ZNF273: variants seen among roughly 807,000 people sequenced by gnomAD.
ZNF273 encodes the protein zinc finger protein 273.
In ZNF273, 11 loss-of-function variants were observed where a neutral mutation model predicts 14.9. That is an observed-to-expected ratio of 0.74 (90% confidence interval 0.46 to 1.22). ZNF273 has a LOEUF of 1.22. Among genes scored for constraint, ZNF273 ranks in the 50% most tolerant of loss-of-function variants. The pLI, the probability that ZNF273 is intolerant of heterozygous loss-of-function variation, is 0.00. For synonymous variants in ZNF273, 199 were observed against 223.9 expected (o/e 0.89, Z 0.99); for missense variants, 577 against 660.6 (o/e 0.87, Z 1.39).
chr7:64,880,933 G>A (rs1316886929), downstream of ZNF273, among the ~76,000 whole-genome samples: 1 of 152,212 alleles, frequency 6.6e-6, no homozygotes, highest in Non-Finnish European at 1.5e-5. Context: ...ATCGTCTCGG[G>A]ATTTCATTCC....
At chr7:64,923,694 T>G (rs1301118593) in intron 3 of ZNF273, 1 of 209,980 alleles carries the variant, frequency 4.8e-6, no homozygotes, top group Non-Finnish European at 9.7e-6. Flanking sequence ...TGACAGAAAT[T>G]TGCATTGCTT....
chr7:64,912,826 GTTT>G lies in ZNF273; in HGVS notation c.103-4737_103-4735del, dbSNP rs71061324. ...TCTTTTTGACTCAGGATTCATTTTA[GTTT>G]TTTTTTTTTTTTTTTTTGAGATTGA... On this transcript the variant is annotated intron_variant, in intron 1 of 3. Transcript: ENST00000476120. 8.2e-5 allele frequency among the ~76,000 whole-genome samples: 3 copies of G among 36,568 alleles called. 1 individual carries two copies. The highest frequency in any genetic ancestry group is 1.1e-4 in the Non-Finnish European group (2 of 17,638). The allele number at this position is 36,568 out of a possible 152,430, so 24.0% of individuals were successfully genotyped here.
intron 1 of ZNF273, among the ~76,000 whole-genome samples, chr7:64,908,728 G>A (rs746406916): frequency 2.6e-5 from 4 of 152,124 alleles, no homozygotes; most frequent in Non-Finnish European, 5.9e-5. Flanking sequence ...GGTGCCATGT[G>A]TTATTATTTA....
downstream of ZNF273, among the ~76,000 whole-genome samples, chr7:64,894,077 T>C (rs1053232241): frequency 5.9e-5 from 9 of 152,188 alleles, no homozygotes; most frequent in Non-Finnish European, 1.3e-4. Context: ...CAATCTGGGC[T>C]CACTGCAACC....
intron 1 of ZNF273, among the ~76,000 whole-genome samples, chr7:64,906,569 G>T (rs973850593): frequency 2.0e-5 from 3 of 152,154 alleles, no homozygotes; most frequent in Admixed American, 6.5e-5. Context: ...TCTAAGCTAA[G>T]GCTAATATGG....
chr7:64,892,430 A>G (rs1792093534), downstream of ZNF273, among the ~76,000 whole-genome samples: 1 of 152,184 alleles, frequency 6.6e-6, no homozygotes, highest in Non-Finnish European at 1.5e-5. Flanking sequence ...GAAGCTAGGA[A>G]TGAATCCATG....
At chr7:64,923,612 G>C in intron 3 of ZNF273, 1 of 275,570 alleles carries the variant, frequency 3.6e-6, no homozygotes, top group South Asian at 3.2e-5. Flanking sequence ...AAAGTGCTGG[G>C]ATTACAGGCA....
At chr7:64,935,729 C>T (rs1033546893), downstream of ZNF273, among the ~76,000 whole-genome samples, 15 of 152,016 alleles carry the variant, frequency 9.9e-5, no homozygotes, top group Admixed American at 6.6e-5. Flanking sequence ...GCCATATTGA[C>T]GAGGCTGGTC....
chr7:64,921,769 G>A (rs1408399145), intron 3 of ZNF273, among the ~76,000 whole-genome samples: 5 of 151,228 alleles, frequency 3.3e-5, no homozygotes, highest in Non-Finnish European at 7.4e-5. Context: ...GGGATTACAG[G>A]CACTCCCCCA....
At chr7:64,883,046 C>T (rs1025417878), downstream of ZNF273, among the ~76,000 whole-genome samples, 3 of 152,190 alleles carry the variant, frequency 2.0e-5, no homozygotes, top group Non-Finnish European at 2.9e-5. Flanking sequence ...GAATATGGCT[C>T]AAGCACTGCA....
downstream of ZNF273, among the ~76,000 whole-genome samples, chr7:64,892,478 G>A (rs866119800): frequency 1.3e-4 from 20 of 152,174 alleles, no homozygotes; most frequent in African/African-American, 4.3e-4. Context: ...CCAGGACAGG[G>A]GTTCAGTGTC....
chr7:64,934,355 A>G (rs1203975472), downstream of ZNF273, among the ~76,000 whole-genome samples: 2 of 151,944 alleles, frequency 1.3e-5, no homozygotes, highest in Non-Finnish European at 2.9e-5. Context: ...TTTGCCTTTG[A>G]TTCTCTGGGA....
intron 1 of ZNF273, among the ~76,000 whole-genome samples, chr7:64,905,759 C>T (rs924675310): frequency 4.6e-5 from 7 of 152,252 alleles, no homozygotes; most frequent in East Asian, 3.9e-4. Flanking sequence ...ATCAAGGGAT[C>T]GTGGCCTGAC....
At chr7:64,884,202 T>C (rs1342449441), downstream of ZNF273, among the ~76,000 whole-genome samples, 1 of 152,206 alleles carries the variant, frequency 6.6e-6, no homozygotes, top group Admixed American at 6.5e-5. Context: ...TCAAGGGTTT[T>C]TCAGTAGTTT....
chr7:64,919,229 C>T (rs1015617066), intron 3 of ZNF273, among the ~76,000 whole-genome samples: 5 of 152,112 alleles, frequency 3.3e-5, no homozygotes, highest in East Asian at 3.9e-4. Context: ...TTTGATAGGG[C>T]GTTTATTGAA....
intron 1 of ZNF273, among the ~76,000 whole-genome samples, chr7:64,914,180 G>GTTT (rs1793773323): frequency 4.8e-5 from 3 of 63,072 alleles, no homozygotes; most frequent in Non-Finnish European, 8.8e-5. Flanking sequence ...GGTAATTTTT[G>GTTT]TATTTTTTTT....
rs1794928679 is a variant in ZNF273, at chr7:64,929,560, C to T, written c.*522C>T. ...CTAAAATATATTTTTGCAAATGCAG[C>T]AGTAAATATGAAAGAAATGATCCAA... On this transcript the variant is annotated 3_prime_UTR_variant, in exon 4 of 4. Coordinates refer to ENST00000476120, the MANE Select transcript of ZNF273 (RefSeq NM_021148.3). The T allele has an allele frequency of 6.6e-6, 1 of 152,088 alleles. No individual in the cohort carries two copies. The highest frequency in any genetic ancestry group is 1.5e-5 in the Non-Finnish European group (1 of 68,042). The allele number at this position is 152,088 out of a possible 1,614,324, so 9.4% of individuals were successfully genotyped here. A position where few individuals can be genotyped will look rare whatever the true frequency, so the allele number is the denominator to read the frequency against.
chr7:64,918,415 CACT>C (rs1238353699), intron 3 of ZNF273, 123 bp downstream of exon 3: 1 of 989,076 alleles, frequency 1.0e-6, no homozygotes, highest in African/African-American at 1.7e-5. Context: ...GTAATCCCAG[CACT>C]TTGGGAGGCC....
intron 3 of ZNF273, among the ~76,000 whole-genome samples, chr7:64,927,339 C>T (rs1469735572): frequency 2.6e-5 from 4 of 151,512 alleles, no homozygotes; most frequent in South Asian, 2.1e-4. Flanking sequence ...CTGCCTGCCT[C>T]GGCCTCCCAA....
Sources: gnomAD v4.1 joint callset for allele counts (sites outside exome capture counted in the v4.1 genomes callset) on GRCh38, gnomAD v4.1.1 for gene constraint, MANE v1.5 for transcripts, NCBI Gene and HGNC (gene_info 2026-07-23, HGNC 2026-07-21) for gene names.